RYK: variants seen among roughly 807,000 people sequenced by gnomAD.
RYK encodes receptor like tyrosine kinase.
In RYK, 21 loss-of-function variants were observed where a neutral mutation model predicts 70.2. The observed-to-expected ratio is 0.30, with a 90% CI of 0.21 to 0.43. The LOEUF is 0.43. Ranked by LOEUF, RYK falls within the 20% of genes least tolerant of loss-of-function variation. The pLI is 1.00. For synonymous variants in RYK, 267 were observed against 278.0 expected, an observed-to-expected ratio of 0.96 and a Z score of 0.39; for missense variants, 604 against 753.3, an observed-to-expected ratio of 0.80 and a Z score of 2.32.
chr3:134,195,099 T>C lies in RYK; in HGVS notation c.872A>G (p.Asn291Ser). The stretch of plus-strand genomic sequence containing the variant: ...ACTCTTACTGGTGATAGGAGTTGCA[T>C]TGTTGGGCGTGTCTGCTCTCAGATA... ...TQYLRADTPNNATPITSYPTL... is the reference protein window; with the variant it reads ...TQYLRADTPNSATPITSYPTL... Residue 291 changes from asparagine (N) to serine (S), a missense_variant, in exon 7 of 15, where the codon AAT (asparagine) becomes AGT (serine). Coordinates refer to ENST00000623711, the MANE Select transcript of RYK (RefSeq NM_002958.4). 6.2e-7 allele frequency: 1 copy of C among 1,612,630 alleles called. No homozygotes were observed. Among genetic ancestry groups the C allele is most frequent in the Non-Finnish European group, 8.5e-7 (1 of 1,178,744 alleles).
intron 7 of RYK, among the ~76,000 whole-genome samples, chr3:134,192,455 C>T (rs554667702): frequency 2.5e-4 from 38 of 151,668 alleles, no homozygotes; most frequent in Non-Finnish European, 4.4e-4. Context: ...AAGTTTCAAA[C>T]AGAAAGTTAT....
intron 7 of RYK, among the ~76,000 whole-genome samples, chr3:134,192,801 G>A (rs2013687511): frequency 6.6e-6 from 1 of 152,134 alleles, no homozygotes; most frequent in African/African-American, 2.4e-5. Context: ...AAAGTTTTGG[G>A]CAACTTTACA....
intron 1 of RYK, among the ~76,000 whole-genome samples, chr3:134,240,550 C>T (rs1202500398): frequency 6.6e-6 from 1 of 152,104 alleles, no homozygotes; most frequent in African/African-American, 2.4e-5. Flanking sequence ...ATGCATTTGT[C>T]GAAACCTACA....
chr3:134,248,298 T>G (rs1227937605), intron 1 of RYK, among the ~76,000 whole-genome samples: 2 of 152,220 alleles, frequency 1.3e-5, no homozygotes, highest in Non-Finnish European at 1.5e-5. Context: ...ACAGCATTTC[T>G]GGGCATAAAT....
intron 1 of RYK, among the ~76,000 whole-genome samples, chr3:134,241,803 C>A (rs1406785701): frequency 6.6e-6 from 1 of 152,226 alleles, no homozygotes; most frequent in African/African-American, 2.4e-5. Flanking sequence ...TAATTGCCCA[C>A]AACCTCAGCA....
chr3:134,239,991 G>A (rs2015281608), intron 1 of RYK, among the ~76,000 whole-genome samples: 2 of 152,188 alleles, frequency 1.3e-5, no homozygotes, highest in African/African-American at 2.4e-5. Flanking sequence ...TGGCACCAAG[G>A]GAACTGAGTG....
chr3:134,201,274 C>T (rs1482796532), intron 6 of RYK, among the ~76,000 whole-genome samples: 2 of 152,176 alleles, frequency 1.3e-5, no homozygotes, highest in African/African-American at 4.8e-5. Flanking sequence ...TCTTTCTCCA[C>T]ACAGAAATGG....
intron 1 of RYK, among the ~76,000 whole-genome samples, chr3:134,237,100 CA>C (rs944218073): frequency 7.9e-5 from 12 of 151,880 alleles, no homozygotes; most frequent in African/African-American, 2.9e-4. Context: ...TAAGGCTTAT[CA>C]AAAAAAATTC....
Position 134,207,964 on chromosome 3 carries a change from T to C in RYK, c.590-439A>G, listed in dbSNP as rs147438456. On this transcript the variant is annotated intron_variant, in intron 4 of 14. Transcript: ENST00000623711. ...GATGTTTTCTGTTGCAGACAGTTTTTGAAATATAGTAGGCTGGAAAACCAG... is the reference window on the plus strand; with the variant it reads ...GATGTTTTCTGTTGCAGACAGTTTTCGAAATATAGTAGGCTGGAAAACCAG... 2.9e-3 allele frequency among the ~76,000 whole-genome samples: 447 copies of C among 152,278 alleles called. 1 individual carries two copies. The highest frequency in any genetic ancestry group is 0.01 in the African/African-American group (418 of 41,548).
chr3:134,236,309 T>C (rs1419750439), intron 1 of RYK, among the ~76,000 whole-genome samples: 4 of 152,112 alleles, frequency 2.6e-5, no homozygotes, highest in African/African-American at 9.7e-5. Context: ...AGCTGGTCCC[T>C]CAATGAACAA....
At position 134,246,133 on chromosome 3, in the gene RYK, A is replaced by G. The variant is rs113170015; in HGVS notation, c.232+4290T>C. Among the ~76,000 whole-genome samples the G allele has an allele frequency of 6.8e-3, 1,039 of 152,262 alleles. 8 individuals are homozygous for G. Among genetic ancestry groups the G allele is most frequent in the African/African-American group, 0.022 (894 of 41,546 alleles). Reference sequence around the variant, plus strand: ...AAATAAGATGCAATGAAATGGAAACAGAAAAAGATTCTAAAATTTAAAAAC... The same window carrying G: ...AAATAAGATGCAATGAAATGGAAACGGAAAAAGATTCTAAAATTTAAAAAC... On this transcript the variant is annotated intron_variant, in intron 1 of 14. Transcript: ENST00000623711.
At chr3:134,182,903 G>A (rs2013346352) in intron 10 of RYK, 99 bp downstream of exon 10, 1 of 653,876 alleles carries the variant, frequency 1.5e-6, no homozygotes, top group Non-Finnish European at 2.4e-6. Context: ...ATTCCACAAA[G>A]CTTTCAATTC....
At chr3:134,200,324 G>A (rs1475478003) in intron 6 of RYK, among the ~76,000 whole-genome samples, 1 of 152,080 alleles carries the variant, frequency 6.6e-6, no homozygotes, top group Non-Finnish European at 1.5e-5. Context: ...CACTCCGGAT[G>A]CACCACCTTT....
chr3:134,208,887 A>G (rs2014301841), intron 4 of RYK, among the ~76,000 whole-genome samples: 1 of 152,138 alleles, frequency 6.6e-6, no homozygotes, highest in African/African-American at 2.4e-5. Context: ...AGAACACAGT[A>G]AGCACTGAGG....
In RYK at chr3:134,238,185, C is replaced by T. The variant is rs76171417; in HGVS notation, c.232+12238G>A. Among the ~76,000 whole-genome samples the T allele has an allele frequency of 4.8e-3, 732 of 152,268 alleles. 3 individuals are homozygous for T. Among genetic ancestry groups the T allele is most frequent in the East Asian group, 0.02 (106 of 5,184 alleles). On this transcript the variant is annotated intron_variant, in intron 1 of 14. Transcript: ENST00000623711. Reference sequence around the variant, plus strand: ...GGAATTAAAATATTAGACTGTAGAACAGGGGCATCCTTTCCCCATAGTTGA... The same window carrying T: ...GGAATTAAAATATTAGACTGTAGAATAGGGGCATCCTTTCCCCATAGTTGA...
At chr3:134,240,689 A>G (rs2015301848) in intron 1 of RYK, among the ~76,000 whole-genome samples, 1 of 152,194 alleles carries the variant, frequency 6.6e-6, no homozygotes, top group Non-Finnish European at 1.5e-5. Flanking sequence ...TGTACCCATT[A>G]AGCTTTTCAT....
intron 1 of RYK, among the ~76,000 whole-genome samples, chr3:134,224,384 C>T (rs1004056767): frequency 3.9e-5 from 6 of 152,226 alleles, no homozygotes; most frequent in Admixed American, 3.3e-4. Context: ...ATGCATTTCT[C>T]GGAGAGATCA....
At position 134,202,840 on chromosome 3, in the gene RYK, C is replaced by T. The variant is rs766045769; in HGVS notation, c.678G>A (p.Thr226=). 3 of 1,613,614 alleles carry T rather than the reference C, an allele frequency of 1.9e-6. No individual in the cohort carries two copies. Among genetic ancestry groups the T allele is most frequent in the African/African-American group, 2.7e-5 (2 of 74,998 alleles). ...DPVHAAPTTS[T]RVFYISVGVC... is the part of the protein sequence containing the mutation. The stretch of plus-strand genomic sequence containing the variant: ...CCCCTACACTAATATAAAACACACG[C>T]GTAGAAGTGGTTGGAGCTGCATGTA... The change falls in exon 6 of 15, where the codon ACG becomes ACA. Residue 226 remains threonine, a synonymous_variant. Transcript: ENST00000623711.
chr3:134,176,493 C>G (rs1336510994), intron 11 of RYK, among the ~76,000 whole-genome samples: 2 of 152,192 alleles, frequency 1.3e-5, no homozygotes, highest in Admixed American at 6.5e-5. Flanking sequence ...AATCCCAGCA[C>G]TTGGGAAGGC....
Sources: gnomAD v4.1 joint callset for allele counts (sites outside exome capture counted in the v4.1 genomes callset) on GRCh38, gnomAD v4.1.1 for gene constraint, MANE v1.5 for transcripts, NCBI Gene and HGNC (gene_info 2026-07-23, HGNC 2026-07-21) for gene names.